Variants in OPHN1 observed in about 807,000 individuals in gnomAD.
The protein encoded by OPHN1 is oligophrenin 1.
In OPHN1, 11 loss-of-function variants were observed where a neutral mutation model predicts 60.7. The ratio of observed to expected loss-of-function variants is 0.18; its 90% CI spans 0.11 to 0.30. The LOEUF (loss-of-function observed/expected upper bound fraction) is 0.30. Among genes scored for constraint, OPHN1 ranks in the 10% least tolerant of loss-of-function variants. The pLI is 1.00. For missense variants in OPHN1, 449 were observed against 611.0 expected, an observed-to-expected ratio of 0.73 and a Z score of 2.80; for synonymous variants, 226 against 222.6, an observed-to-expected ratio of 1.02 and a Z score of -0.14.
intron 2 of OPHN1, among the ~76,000 whole-genome samples, chrX:68,337,063 A>C (rs1262758531): frequency 2.7e-5 from 3 of 110,765 alleles, no homozygotes; most frequent in Non-Finnish European, 5.7e-5. Flanking sequence ...TCTGTCCCAA[A>C]AAAAAGAAGT....
chrX:68,191,032 G>A lies in OPHN1; in HGVS notation c.1276+1887C>T, dbSNP rs1356039889. ...GTAGGGTTGGTTGTCAGACCTGCAG[G>A]CTTGTGAGAGATTAGCTATGCATCA... On this transcript the variant is annotated intron_variant, in intron 15 of 24. Coordinates refer to ENST00000355520, the MANE Select transcript of OPHN1 (RefSeq NM_002547.3). Among the ~76,000 whole-genome samples, 5 of 111,917 alleles carry A rather than the reference G, an allele frequency of 4.5e-5. No individual in the cohort carries two copies. The South Asian group carries it at 1.5e-3, about 34-fold the overall frequency.
intron 4 of OPHN1, among the ~76,000 whole-genome samples, chrX:68,279,773 C>T (rs1186550155): frequency 1.8e-5 from 2 of 111,677 alleles, no homozygotes; most frequent in East Asian, 2.8e-4. Context: ...AGGGAGCAAA[C>T]ACTCAATATA....
At chrX:68,265,110 A>G (rs1159274116) in intron 5 of OPHN1, among the ~76,000 whole-genome samples, 3 of 112,584 alleles carry the variant, frequency 2.7e-5, no homozygotes, top group African/African-American at 9.7e-5. Context: ...GGGGCAGGGT[A>G]TTGCCAAACA....
chrX:68,054,479 T>C (rs963085408), intron 21 of OPHN1, among the ~76,000 whole-genome samples: 3 of 110,735 alleles, frequency 2.7e-5, no homozygotes, highest in African/African-American at 9.9e-5. Context: ...TACAAAATCA[T>C]ACATATGAGA....
At chrX:68,208,244 C>A (rs1244209580) in intron 9 of OPHN1, among the ~76,000 whole-genome samples, 1 of 110,306 alleles carries the variant, frequency 9.1e-6, no homozygotes, top group African/African-American at 3.3e-5. Flanking sequence ...GCAAGCATCA[C>A]CACATCCAGC....
chrX:68,168,997 T>C (rs1281547032), intron 15 of OPHN1, among the ~76,000 whole-genome samples: 1 of 111,285 alleles, frequency 9.0e-6, no homozygotes, highest in Non-Finnish European at 1.9e-5. Flanking sequence ...GGCTCTGAAA[T>C]TGTGGCAATA....
chrX:68,200,698 C>A (rs768895928), intron 11 of OPHN1, among the ~76,000 whole-genome samples: 1 of 111,695 alleles, frequency 9.0e-6, no homozygotes, highest in South Asian at 3.8e-4. Flanking sequence ...CTTTATTCCC[C>A]AATTTTTTTA....
At chrX:68,240,835 T>C (rs751746110) in intron 5 of OPHN1, among the ~76,000 whole-genome samples, 64 of 112,116 alleles carry the variant, frequency 5.7e-4, no homozygotes, top group Admixed American at 1.8e-3. Context: ...TACATTTGTT[T>C]TTAATCTTTC....
chrX:68,323,625 A>G (rs1363525533), intron 2 of OPHN1, among the ~76,000 whole-genome samples: 5 of 112,177 alleles, frequency 4.5e-5, no homozygotes, highest in African/African-American at 6.5e-5. Flanking sequence ...TCACTAGAAC[A>G]GTACACAGAA....
chrX:68,220,440 C>A (rs1421857422), intron 6 of OPHN1, among the ~76,000 whole-genome samples: 1 of 110,781 alleles, frequency 9.0e-6, no homozygotes, highest in African/African-American at 3.3e-5. Flanking sequence ...ATGAGGCCAG[C>A]ATCATTCTGA....
chrX:68,415,000 A>C (rs902366547), intron 2 of OPHN1, among the ~76,000 whole-genome samples: 36 of 112,273 alleles, frequency 3.2e-4, no homozygotes, highest in African/African-American at 1.1e-3. Context: ...ACTAGTTTCT[A>C]CTGCTCTCAA....
At chrX:68,254,268 A>T (rs1485987904) in intron 5 of OPHN1, among the ~76,000 whole-genome samples, 1 of 111,478 alleles carries the variant, frequency 9.0e-6, no homozygotes, top group Non-Finnish European at 1.9e-5. Flanking sequence ...GAGGTGTCAC[A>T]TTCCCTCTCT....
intron 6 of OPHN1, among the ~76,000 whole-genome samples, chrX:68,217,389 C>G (rs1024637789): frequency 2.7e-5 from 3 of 112,035 alleles, no homozygotes; most frequent in African/African-American, 9.7e-5. Flanking sequence ...CATAGGTAAA[C>G]AAAGCAGCCA....
chrX:68,206,360 C>T (rs941761623), intron 10 of OPHN1, among the ~76,000 whole-genome samples: 1 of 111,404 alleles, frequency 9.0e-6, no homozygotes, highest in African/African-American at 3.3e-5. Flanking sequence ...GAAAGACTAC[C>T]GGCACTTTCA....
At chrX:68,175,663 A>G (rs1399553382) in intron 15 of OPHN1, among the ~76,000 whole-genome samples, 1 of 111,151 alleles carries the variant, frequency 9.0e-6, no homozygotes, top group Admixed American at 9.6e-5. Flanking sequence ...TCTCCATCCT[A>G]CCTCATGACT....
chrX:68,404,733 A>T (rs2078733154), intron 2 of OPHN1, among the ~76,000 whole-genome samples: 1 of 112,220 alleles, frequency 8.9e-6, no homozygotes, highest in African/African-American at 3.2e-5. Context: ...AACTTAAAAA[A>T]GAATAAACCA....
intron 15 of OPHN1, among the ~76,000 whole-genome samples, chrX:68,127,712 G>T (rs1202866976): frequency 8.9e-6 from 1 of 112,104 alleles, no homozygotes; most frequent in Non-Finnish European, 1.9e-5. Context: ...AAGGATGTCT[G>T]CTATCACTAG....
At chrX:68,301,604 A>G (rs1479678414) in intron 2 of OPHN1, among the ~76,000 whole-genome samples, 1 of 111,582 alleles carries the variant, frequency 9.0e-6, no homozygotes, top group East Asian at 2.8e-4. Context: ...CTAGACTACA[A>G]AGAATCCATA....
At chrX:68,190,629 T>G (rs965001838) in intron 15 of OPHN1, among the ~76,000 whole-genome samples, 2 of 112,029 alleles carry the variant, frequency 1.8e-5, no homozygotes, top group African/African-American at 3.2e-5. Context: ...AAGGAGCCAC[T>G]TCAGTCCTAT....
Sources: gnomAD v4.1 joint callset for allele counts (sites outside exome capture counted in the v4.1 genomes callset) on GRCh38, gnomAD v4.1.1 for gene constraint, MANE v1.5 for transcripts, NCBI Gene and HGNC (gene_info 2026-07-23, HGNC 2026-07-21) for gene names.